DAB2IP: variants seen among roughly 807,000 people sequenced by gnomAD.
The protein encoded by DAB2IP is DAB2 interacting protein.
DAB2IP carries 28 observed loss-of-function variants against 107.2 expected under a neutral mutation model. That is an observed-to-expected ratio of 0.26 (90% CI 0.19 to 0.36). The LOEUF is 0.36. Among genes scored for constraint, DAB2IP ranks in the 10% least tolerant of loss-of-function variants. The probability of loss-of-function intolerance (pLI) is 1.00; values close to 1 mark genes in which losing one functional copy is unlikely to be tolerated. For missense variants in DAB2IP, 1,400 were observed against 1,644.7 expected (o/e 0.85, Z 2.57); for synonymous variants, 755 against 706.4 (o/e 1.07, Z -1.09).
rs1829549952 is a variant in DAB2IP at position 121,698,585 on chromosome 9, G to T, written c.229-740G>T. Among the ~76,000 whole-genome samples, 1 of 152,184 alleles carries T rather than the reference G, an allele frequency of 6.6e-6. No homozygotes were observed. The highest frequency in any genetic ancestry group is 2.4e-5 in the African/African-American group (1 of 41,462). On this transcript the variant is annotated intron_variant, in intron 2 of 15. Transcript: ENST00000408936. The surrounding 1 kb of genome is among the most constrained non-coding windows in gnomAD (Gnocchi z 4.1). The stretch of plus-strand genomic sequence containing the variant: ...GGCCCCTCCCTGAGCTGAGCACTAG[G>T]GATCCCGTCCCGCAAGGTGGTTGTC...
intron 3 of DAB2IP, among the ~76,000 whole-genome samples, chr9:121,746,871 G>C (rs968518771): frequency 6.6e-6 from 1 of 152,206 alleles, no homozygotes; most frequent in East Asian, 1.9e-4. Flanking sequence ...CGGGTGGGGT[G>C]CAGGGACCAG....
At chr9:121,577,790 C>T (rs749792124) in intron 1 of DAB2IP, among the ~76,000 whole-genome samples, 1 of 152,146 alleles carries the variant, frequency 6.6e-6, no homozygotes, top group Non-Finnish European at 1.5e-5. Context: ...AGGGCGGGGA[C>T]CTCAAACAAC....
intron 1 of DAB2IP, among the ~76,000 whole-genome samples, chr9:121,587,750 C>T (rs568547703): frequency 1.3e-5 from 2 of 152,112 alleles, no homozygotes; most frequent in Non-Finnish European, 2.9e-5. Flanking sequence ...AAGATGGAAC[C>T]TGAGAATGCC....
chr9:121,587,755 A>G (rs1158814516), intron 1 of DAB2IP, among the ~76,000 whole-genome samples: 1 of 152,106 alleles, frequency 6.6e-6, no homozygotes, highest in East Asian at 1.9e-4. Flanking sequence ...GGAACCTGAG[A>G]ATGCCTGGGT....
At chr9:121,589,006 C>A (rs1168951514) in intron 1 of DAB2IP, among the ~76,000 whole-genome samples, 1 of 152,078 alleles carries the variant, frequency 6.6e-6, no homozygotes, top group African/African-American at 2.4e-5. Flanking sequence ...CCTCCAGCAA[C>A]CATCCAATCT....
intron 3 of DAB2IP, among the ~76,000 whole-genome samples, chr9:121,720,050 A>G (rs763832951): frequency 6.6e-6 from 1 of 152,216 alleles, no homozygotes; most frequent in Non-Finnish European, 1.5e-5. Context: ...ACTCTCTTCA[A>G]CTAGGCCCTA....
chr9:121,768,426 C>T lies in DAB2IP; in HGVS notation c.1698-6C>T. 3 of 1,614,174 alleles carry T rather than the reference C, an allele frequency of 1.9e-6. No homozygotes were observed. Among genetic ancestry groups the T allele is most frequent in the Admixed American group, 1.7e-5 (1 of 60,032 alleles). ...AGTAGTGCTCACCCAACTGCCCTCT[C>T]TCCAGATTTGGCAGCAAGGAGGAAT... On this transcript the variant is annotated splice_polypyrimidine_tract_variant and splice_region_variant and intron_variant, in intron 9 of 15. Transcript: ENST00000408936.
chr9:121,667,323 G>A (rs1833484664), intron 1 of DAB2IP, among the ~76,000 whole-genome samples: 1 of 151,944 alleles, frequency 6.6e-6, no homozygotes, highest in African/African-American at 2.4e-5. Flanking sequence ...GAGCCACCAC[G>A]CCTGGCCTGC....
At chr9:121,608,828 G>A (rs572014103) in intron 1 of DAB2IP, among the ~76,000 whole-genome samples, 48 of 152,320 alleles carry the variant, frequency 3.2e-4, no homozygotes, top group African/African-American at 1.0e-3. Flanking sequence ...ACCTTGCATC[G>A]TGCTAGGGGG....
chr9:121,720,199 C>A (rs1830842149), intron 3 of DAB2IP, among the ~76,000 whole-genome samples: 1 of 152,194 alleles, frequency 6.6e-6, no homozygotes, highest in South Asian at 2.1e-4. Context: ...GCATTTCGGT[C>A]CTTACTTCCT....
chr9:121,782,492 T>C lies in DAB2IP; in HGVS notation c.3564T>C (p.Asn1188=), dbSNP rs762766346. The stretch of plus-strand genomic sequence containing the variant: ...ACGGCGAGTTCAGAAACAGCAGCAA[T>C]TGTTAACCTGCCTGAGGAGGGAGGA... The change falls in exon 16 of 16, where the codon AAT becomes AAC. Residue 1188 remains asparagine, a synonymous_variant. Coordinates refer to ENST00000408936, the Ensembl canonical transcript of DAB2IP. The surrounding 1 kb of genome is among the most constrained non-coding windows in gnomAD (Gnocchi z 6.1). 2.5e-6 allele frequency: 4 copies of C among 1,613,570 alleles called. No individual in the cohort carries two copies. The highest frequency in any genetic ancestry group is 3.4e-6 in the Non-Finnish European group (4 of 1,179,754).
At chr9:121,750,953 C>T in intron 3 of DAB2IP, 1 of 162,998 alleles carries the variant, frequency 6.1e-6, no homozygotes, top group Non-Finnish European at 1.3e-5. Flanking sequence ...ATAGCAGCTC[C>T]CCGTGCCTTG....
chr9:121,783,061 G>A (rs1032488973), exon 16 of DAB2IP: 6 of 1,029,206 alleles, frequency 5.8e-6, no homozygotes, highest in South Asian at 3.9e-5. Flanking sequence ...GTCTCCATCC[G>A]AAGCACCTGC....
At chr9:121,724,825 C>T (rs2118832583) in intron 3 of DAB2IP, among the ~76,000 whole-genome samples, 1 of 152,164 alleles carries the variant, frequency 6.6e-6, no homozygotes, top group East Asian at 1.9e-4. Flanking sequence ...GACACTCCCA[C>T]CTCCCCAGAA....
chr9:121,647,224 TC>T (rs982164421), upstream of DAB2IP, among the ~76,000 whole-genome samples: 24 of 151,942 alleles, frequency 1.6e-4, no homozygotes, highest in African/African-American at 5.8e-4. Flanking sequence ...GCTGTTATCA[TC>T]CCCCCTGTAC....
At chr9:121,765,190 G>A in intron 8 of DAB2IP, among the ~76,000 whole-genome samples, 1 of 152,244 alleles carries the variant, frequency 6.6e-6, no homozygotes, top group Non-Finnish European at 1.5e-5. Context: ...TCCCAGCTGG[G>A]CTGTGCTTTC....
intron 1 of DAB2IP, among the ~76,000 whole-genome samples, chr9:121,592,237 G>A (rs1190478064): frequency 6.6e-5 from 10 of 152,096 alleles, no homozygotes; most frequent in Non-Finnish European, 2.9e-5. Flanking sequence ...ATGGTGGTAC[G>A]CACCTGTAAC....
At chr9:121,671,100 G>A (rs775393783) in intron 1 of DAB2IP, among the ~76,000 whole-genome samples, 9 of 152,260 alleles carry the variant, frequency 5.9e-5, no homozygotes, top group East Asian at 3.9e-4. Context: ...GCAGTGAGCC[G>A]AGATCGTGCC....
At chr9:121,718,933 C>T (rs75694950) in intron 3 of DAB2IP, among the ~76,000 whole-genome samples, 3,730 of 152,294 alleles carry the variant, frequency 0.024, 166 homozygotes, top group African/African-American at 0.085. Flanking sequence ...TCACTTTGCT[C>T]CTCATTTTTT....
Sources: gnomAD v4.1 joint callset for allele counts (sites outside exome capture counted in the v4.1 genomes callset) on GRCh38, gnomAD v4.1.1 for gene constraint, Gnocchi (gnomAD v3.1) non-coding constraint, MANE v1.5 for transcripts, NCBI Gene and HGNC (gene_info 2026-07-23, HGNC 2026-07-21) for gene names.